ANKS1B: variants seen among roughly 807,000 people sequenced by gnomAD.
ANKS1B encodes ankyrin repeat and sterile alpha motif domain-containing protein 1B.
ANKS1B carries 36 observed loss-of-function variants against 148.3 expected under a neutral mutation model. The observed-to-expected ratio is 0.24, with a 90% CI of 0.19 to 0.32. The LOEUF is 0.32. ANKS1B is among the 10% of genes least tolerant of loss of function. The probability of loss-of-function intolerance (pLI) is 1.00; values close to 1 mark genes in which losing one functional copy is unlikely to be tolerated. For synonymous variants in ANKS1B, 542 were observed against 560.8 expected (o/e 0.97, Z 0.47); for missense variants, 1,157 against 1,542.6 (o/e 0.75, Z 4.19).
At chr12:99,797,314 G>C (rs1044082011) in intron 4 of ANKS1B, among the ~76,000 whole-genome samples, 2 of 151,834 alleles carry the variant, frequency 1.3e-5, no homozygotes, top group African/African-American at 4.8e-5. Flanking sequence ...TCACTCAAAT[G>C]AGCACTATTC....
chr12:99,794,133 C>T (rs1182386304), intron 4 of ANKS1B, among the ~76,000 whole-genome samples: 1 of 151,792 alleles, frequency 6.6e-6, no homozygotes, highest in African/African-American at 2.4e-5. Context: ...GTCACCTCAC[C>T]CCAGTTAAAA....
intron 15 of ANKS1B, among the ~76,000 whole-genome samples, chr12:99,095,073 C>T (rs1009195021): frequency 3.9e-5 from 6 of 151,916 alleles, no homozygotes; most frequent in Admixed American, 2.6e-4. Flanking sequence ...TTATTTGAAT[C>T]AAAGAGAAAA....
At chr12:98,931,332 T>C (rs956465603) in intron 17 of ANKS1B, among the ~76,000 whole-genome samples, 2 of 152,156 alleles carry the variant, frequency 1.3e-5, no homozygotes, top group African/African-American at 4.8e-5. Context: ...GGGGAAAAAT[T>C]GTTTTTTATG....
At position 98,850,625 on chromosome 12, in the gene ANKS1B, G is replaced by T. The variant is rs144986951; in HGVS notation, c.2779-18489C>A. 3.8e-3 allele frequency among the ~76,000 whole-genome samples: 580 copies of T among 151,766 alleles called. 5 individuals are homozygous for T. The highest frequency in any genetic ancestry group is 0.013 in the African/African-American group (537 of 41,410). ...TGGGACTACTGGCACACGCCGCCACGCTCAGCTAATTTTTTGTATTTTTAG... is the reference window on the plus strand; with the variant it reads ...TGGGACTACTGGCACACGCCGCCACTCTCAGCTAATTTTTTGTATTTTTAG... On this transcript the variant is annotated intron_variant, in intron 17 of 26. Transcript: ENST00000683438.
chr12:99,702,187 T>C (rs916540065), intron 8 of ANKS1B, among the ~76,000 whole-genome samples: 1 of 152,146 alleles, frequency 6.6e-6, no homozygotes, highest in African/African-American at 2.4e-5. Flanking sequence ...TTTCTCCACA[T>C]CCTTGCCTGC....
At chr12:99,154,755 A>G in intron 14 of ANKS1B, 1 of 1,443,302 alleles carries the variant, frequency 6.9e-7, no homozygotes, top group Non-Finnish European at 9.0e-7. Flanking sequence ...AGTACTCCAC[A>G]ATGAGCAATG....
At chr12:99,198,656 C>G (rs1047272532) in intron 14 of ANKS1B, among the ~76,000 whole-genome samples, 1 of 152,084 alleles carries the variant, frequency 6.6e-6, no homozygotes, top group Non-Finnish European at 1.5e-5. Flanking sequence ...AGATTGAATT[C>G]TAAAGATCAA....
intron 17 of ANKS1B, among the ~76,000 whole-genome samples, chr12:98,895,572 G>A (rs868550207): frequency 6.6e-6 from 1 of 152,210 alleles, no homozygotes; most frequent in East Asian, 1.9e-4. Context: ...GAGACGCCTC[G>A]GCAGTCCTCA....
intron 17 of ANKS1B, among the ~76,000 whole-genome samples, chr12:98,905,471 G>A (rs2152804488): frequency 6.6e-6 from 1 of 152,252 alleles, no homozygotes; most frequent in East Asian, 1.9e-4. Flanking sequence ...TTTCAAGGAT[G>A]GTTAACCCTC....
chr12:99,700,593 T>A (rs2054645625), intron 8 of ANKS1B, among the ~76,000 whole-genome samples: 1 of 151,508 alleles, frequency 6.6e-6, no homozygotes, highest in Non-Finnish European at 1.5e-5. Context: ...GCACATAATA[T>A]TTTTTTTCTT....
chr12:99,458,810 C>G (rs577850552), intron 10 of ANKS1B, among the ~76,000 whole-genome samples: 2 of 151,290 alleles, frequency 1.3e-5, no homozygotes, highest in African/African-American at 4.9e-5. Context: ...GATAGATACA[C>G]AGCTAAATTC....
At chr12:99,957,428 C>T (rs1306809005) in intron 1 of ANKS1B, among the ~76,000 whole-genome samples, 1 of 152,232 alleles carries the variant, frequency 6.6e-6, no homozygotes, top group Non-Finnish European at 1.5e-5. Context: ...ATATCTCCTA[C>T]AAATCTCTGG....
chr12:99,334,317 G>A (rs2088304628), intron 12 of ANKS1B, among the ~76,000 whole-genome samples: 1 of 152,038 alleles, frequency 6.6e-6, no homozygotes, highest in South Asian at 2.1e-4. Flanking sequence ...CAGGCCTCGA[G>A]AATGATTAGA....
intron 10 of ANKS1B, among the ~76,000 whole-genome samples, chr12:99,460,583 T>C (rs2152853048): frequency 6.6e-6 from 1 of 151,828 alleles, no homozygotes; most frequent in Non-Finnish European, 1.5e-5. Context: ...AAAATTGAGT[T>C]AAGGACATGA....
intron 1 of ANKS1B, among the ~76,000 whole-genome samples, chr12:99,938,818 T>C (rs941454588): frequency 6.6e-6 from 1 of 152,170 alleles, no homozygotes; most frequent in Non-Finnish European, 1.5e-5. Flanking sequence ...GGACCTTCCA[T>C]TTCCCGACTA....
At chr12:99,960,724 C>T (rs1436149644) in intron 1 of ANKS1B, among the ~76,000 whole-genome samples, 4 of 152,088 alleles carry the variant, frequency 2.6e-5, no homozygotes. Context: ...ATGGGTTCCT[C>T]GCTAATCTAA....
intron 17 of ANKS1B, among the ~76,000 whole-genome samples, chr12:98,884,952 A>C (rs1297023715): frequency 6.6e-6 from 1 of 151,466 alleles, no homozygotes; most frequent in Admixed American, 6.6e-5. Context: ...TCTCAAACTT[A>C]AAATACCACA....
At chr12:99,050,120 T>C (rs925904820) in intron 17 of ANKS1B, among the ~76,000 whole-genome samples, 1 of 152,204 alleles carries the variant, frequency 6.6e-6, no homozygotes, top group African/African-American at 2.4e-5. Flanking sequence ...GCATTCTTAG[T>C]ATAGGATTAT....
Position 98,830,646 on chromosome 12 carries a change from T to G in ANKS1B, c.2887-1293A>C, listed in dbSNP as rs7980173. Among the ~76,000 whole-genome samples the G allele has an allele frequency of 5.5e-3, 837 of 152,312 alleles. 14 individuals are homozygous for G. The highest frequency in any genetic ancestry group is 0.019 in the African/African-American group (804 of 41,578). On this transcript the variant is annotated intron_variant, in intron 18 of 26. Coordinates refer to ENST00000683438, the MANE Select transcript of ANKS1B (RefSeq NM_001352186.2). ...TCACGATGGTTACGTCCGGGTGCCG[T>G]GCTTGTGTTCATCTCTTCAGAAAAG... is the stretch of plus-strand genomic sequence containing the variant.
Sources: allele counts gnomAD v4.1 joint callset (sites outside exome capture counted in the v4.1 genomes callset), GRCh38; gene constraint gnomAD v4.1.1; transcripts MANE v1.5; gene names NCBI Gene and HGNC (gene_info 2026-07-23, HGNC 2026-07-21).